MYH14: variants seen among roughly 807,000 people sequenced by gnomAD.
MYH14 encodes myosin heavy chain 14, also known as myosin-14.
A neutral mutation model predicts 255.5 loss-of-function variants in MYH14; 123 were observed. The ratio of observed to expected loss-of-function variants is 0.48; its 90% CI spans 0.42 to 0.56. The LOEUF (loss-of-function observed/expected upper bound fraction) is 0.56. MYH14 is among the 20% of genes least tolerant of loss of function. The probability of loss-of-function intolerance (pLI) is 0.00; values close to 1 mark genes in which losing one functional copy is unlikely to be tolerated. For missense variants in MYH14, 2,423 were observed against 2,802.3 expected (o/e 0.86, Z 3.06); for synonymous variants, 1,095 against 1,161.2 (o/e 0.94, Z 1.16).
In MYH14 at chr19:50,280,885, A is replaced by C. The variant is rs145989598; in HGVS notation, c.4290+502A>C. Among the ~76,000 whole-genome samples, 24 of 152,196 alleles carry C rather than the reference A, an allele frequency of 1.6e-4. No homozygotes were observed. Among genetic ancestry groups the C allele is most frequent in the African/African-American group, 5.8e-4 (24 of 41,514 alleles). On this transcript the variant is annotated intron_variant, in intron 32 of 42. Transcript: ENST00000642316. The surrounding 1 kb of genome is among the most constrained non-coding windows in gnomAD (Gnocchi z 4.8). ...TATCTCTACTTTCCTATTTTATTTG[A>C]AAAAAACCTTTTATTTTTCCAGACT...
At chr19:50,229,329 T>C (rs962438832) in intron 8 of MYH14, among the ~76,000 whole-genome samples, 2 of 152,106 alleles carry the variant, frequency 1.3e-5, no homozygotes, top group Non-Finnish European at 2.9e-5. Flanking sequence ...GCAAAGTGTA[T>C]GGTGTTTTGG....
At chr19:50,213,258 C>T (rs1396019664) in intron 2 of MYH14, among the ~76,000 whole-genome samples, 1 of 152,136 alleles carries the variant, frequency 6.6e-6, no homozygotes, top group Non-Finnish European at 1.5e-5. Flanking sequence ...CACTCTTTGC[C>T]TTTTAATAAA....
rs2035173192 is a variant in MYH14, at chr19:50,268,383, T to G, written c.3033+16T>G. 1.3e-6 allele frequency: 2 copies of G among 1,551,360 alleles called. No individual in the cohort carries two copies. The highest frequency in any genetic ancestry group is 2.7e-5 in the African/African-American group (2 of 73,292). ...GCACATACAGGTCTGGCCCCTTGCA[T>G]GCCCACCAGGCCACCCTCCAGACCC... On this transcript the variant is annotated intron_variant, in intron 24 of 42. Coordinates refer to ENST00000642316, the MANE Select transcript of MYH14 (RefSeq NM_001145809.2).
At chr19:50,277,467 G>A (rs1280269973) in intron 29 of MYH14, among the ~76,000 whole-genome samples, 7 of 152,050 alleles carry the variant, frequency 4.6e-5, no homozygotes, top group Admixed American at 3.3e-4. Flanking sequence ...CTAGCTGGGC[G>A]TGGTGGCACA....
At position 50,262,012 on chromosome 19, in the gene MYH14, G is replaced by A. The variant is rs571178969; in HGVS notation, c.2585+377G>A. 2.6e-5 allele frequency among the ~76,000 whole-genome samples: 4 copies of A among 152,268 alleles called. 1 individual carries two copies. The highest frequency in any genetic ancestry group is 9.6e-5 in the African/African-American group (4 of 41,544). ...TCCCTCGAGGGGCTCCAGTCTGGAG[G>A]TGAGACTTCCATGGGCATAGAGTCC... is the stretch of plus-strand genomic sequence containing the variant. On this transcript the variant is annotated intron_variant, in intron 21 of 42. Transcript: ENST00000642316.
intron 39 of MYH14, among the ~76,000 whole-genome samples, chr19:50,297,896 T>C (rs1191310370): frequency 6.6e-6 from 1 of 152,132 alleles, no homozygotes; most frequent in Non-Finnish European, 1.5e-5. Flanking sequence ...GCAAAGATCC[T>C]ATTTCCAACT....
intron 10 of MYH14, among the ~76,000 whole-genome samples, 181 bp from the exon 11 acceptor site, chr19:50,244,061 G>A (rs553461066): frequency 4.4e-4 from 67 of 151,232 alleles, no homozygotes; most frequent in African/African-American, 1.2e-3. Context: ...CTCCCGCCTC[G>A]GCCTCCCAGA....
intron 29 of MYH14, among the ~76,000 whole-genome samples, chr19:50,277,593 G>C (rs2035556537): frequency 6.6e-6 from 1 of 151,908 alleles, no homozygotes; most frequent in African/African-American, 2.4e-5. Flanking sequence ...GGGTGACAGA[G>C]CAAGACTCTG....
chr19:50,232,932 G>A (rs2033475950), intron 10 of MYH14, among the ~76,000 whole-genome samples: 1 of 152,096 alleles, frequency 6.6e-6, no homozygotes, highest in Admixed American at 6.6e-5. Flanking sequence ...AGCTGTGGGA[G>A]GGCTGGGAGC....
intron 39 of MYH14, among the ~76,000 whole-genome samples, chr19:50,299,264 T>G (rs975735657): frequency 2.0e-5 from 3 of 152,032 alleles, no homozygotes; most frequent in African/African-American, 7.2e-5. Flanking sequence ...CCTACATTCT[T>G]CAACAGATAA....
intron 27 of MYH14, 146 bp from the exon 28 acceptor site, chr19:50,275,845 T>G: frequency 1.6e-6 from 1 of 644,810 alleles, no homozygotes; most frequent in Non-Finnish European, 2.7e-6. Flanking sequence ...AAATTAGTAC[T>G]GCAGCCAAGT....
rs113457163 is a variant in MYH14 at position 50,268,425 on chromosome 19, C to T, written c.3033+58C>T. The T allele has an allele frequency of 1.6e-4, 236 of 1,501,208 alleles. 1 individual carries two copies. In the African/African-American group the frequency reaches 2.7e-3, roughly 17 times the overall value. The allele number at this position is 1,501,208 out of a possible 1,614,324, so 93.0% of individuals were successfully genotyped here. A position where few individuals can be genotyped will look rare whatever the true frequency, so the allele number is the denominator to read the frequency against. ...TCCAGACCCCTCTGTCTACACCATC[C>T]ACCTTTGCTTCTACAAACCGTGTGT... On this transcript the variant is annotated intron_variant, in intron 24 of 42. Transcript: ENST00000642316.
Position 50,230,850 on chromosome 19 carries a change from C to T in MYH14, c.973+227C>T, listed in dbSNP as rs1242493031. On this transcript the variant is annotated intron_variant, in intron 9 of 42. Transcript: ENST00000642316. The surrounding 1 kb of genome is among the most constrained non-coding windows in gnomAD (Gnocchi z 4.7). ...CTCTGTCCCGGGTCTGGCTCGCGCC[C>T]GCTGTCACGGCCACGCAGCCCCCGC... The T allele has an allele frequency of 9.6e-6, 5 of 521,224 alleles. No individual in the cohort carries two copies. Among genetic ancestry groups the T allele is most frequent in the African/African-American group, 3.8e-5 (2 of 52,070 alleles). 32.3% of individuals were successfully genotyped at this position (521,224 alleles called of 1,614,324 possible).
In MYH14 at chr19:50,273,752, G is replaced by A. The variant is rs1051565583; in HGVS notation, c.3467+1021G>A. 4.6e-5 allele frequency among the ~76,000 whole-genome samples: 7 copies of A among 151,832 alleles called. No homozygotes were observed. The East Asian group carries it at 1.2e-3, about 25-fold the overall frequency. On this transcript the variant is annotated intron_variant, in intron 27 of 42. Coordinates refer to ENST00000642316, the MANE Select transcript of MYH14 (RefSeq NM_001145809.2). ...TGCCTCCCAGGTTCAAGCAATTCTT[G>A]TACTTCAGCCTCCCAAGTAGCTGGG...
Position 50,217,772 on chromosome 19 carries a change from G to A in MYH14, c.562+1G>A. 1 of 1,613,206 alleles carries A rather than the reference G, an allele frequency of 6.2e-7. No homozygotes were observed. Among genetic ancestry groups the A allele is most frequent in the Non-Finnish European group, 8.5e-7 (1 of 1,179,742 alleles). On this transcript the variant is annotated splice_donor_variant, in intron 3 of 42. Coordinates refer to ENST00000642316, the MANE Select transcript of MYH14 (RefSeq NM_001145809.2). LOFTEE classifies it high-confidence loss of function. ...GGGGCCTATCGGAGCATGCTGCAGG[G>A]TGAGTGCTGGGTGGGGCTGTAGGCC...
chr19:50,279,036 G>A, intron 30 of MYH14, among the ~76,000 whole-genome samples: 1 of 152,060 alleles, frequency 6.6e-6, no homozygotes, highest in Non-Finnish European at 1.5e-5. Flanking sequence ...CAATTCAATG[G>A]ATTTTGGTAT....
chr19:50,293,821 A>C lies in MYH14; in HGVS notation c.5469+134A>C. The C allele has an allele frequency of 1.1e-6, 1 of 893,390 alleles. No homozygotes were observed. The highest frequency in any genetic ancestry group is 1.6e-6 in the Non-Finnish European group (1 of 615,084). 55.3% of individuals were successfully genotyped at this position (893,390 alleles called of 1,614,324 possible). ...TTGAAGGTTGAATAGGAGTTCTTAAAAGGGTTGAAAGGCATGATTCACTTG... is the reference window on the plus strand; with the variant it reads ...TTGAAGGTTGAATAGGAGTTCTTAACAGGGTTGAAAGGCATGATTCACTTG... On this transcript the variant is annotated intron_variant, in intron 39 of 42. Coordinates refer to ENST00000642316, the MANE Select transcript of MYH14 (RefSeq NM_001145809.2). This position sits in a 1 kb window ranked among gnomAD's most constrained non-coding sequence, Gnocchi z 4.1.
intron 10 of MYH14, among the ~76,000 whole-genome samples, chr19:50,236,330 G>A (rs1240228692): frequency 6.7e-6 from 1 of 149,934 alleles, no homozygotes; most frequent in Non-Finnish European, 1.5e-5. Flanking sequence ...GAGACTCTGG[G>A]TCAAAAAGAA....
intron 35 of MYH14, among the ~76,000 whole-genome samples, chr19:50,290,301 G>A (rs558783129): frequency 2.0e-5 from 3 of 151,996 alleles, no homozygotes; most frequent in East Asian, 1.9e-4. Context: ...TCGCTCCCTC[G>A]CTTCCTTGTT....
Sources: gnomAD v4.1 joint callset for allele counts (sites outside exome capture counted in the v4.1 genomes callset) on GRCh38, gnomAD v4.1.1 for gene constraint, Gnocchi (gnomAD v3.1) non-coding constraint, MANE v1.5 for transcripts, NCBI Gene and HGNC (gene_info 2026-07-23, HGNC 2026-07-21) for gene names.